Variants in TMTC2 observed in about 807,000 individuals in gnomAD.
TMTC2 encodes the protein transmembrane O-mannosyltransferase targeting cadherins 2.
In TMTC2, 43 loss-of-function variants were observed where a neutral mutation model predicts 82.4. The observed-to-expected ratio is 0.52, with a 90% CI of 0.41 to 0.67. The LOEUF is 0.67. TMTC2 is among the 30% of genes least tolerant of loss of function. The pLI is 0.00. For missense variants in TMTC2, 919 were observed against 1,012.4 expected (o/e 0.91, Z 1.25); for synonymous variants, 408 against 381.9 (o/e 1.07, Z -0.80).
At chr12:82,737,322 T>C (rs1007973659) in intron 1 of TMTC2, among the ~76,000 whole-genome samples, 2 of 152,182 alleles carry the variant, frequency 1.3e-5, no homozygotes, top group Admixed American at 1.3e-4. Context: ...CACTTTTTTT[T>C]TGTTTTTTAA....
At chr12:82,749,348 A>C (rs1166458680) in intron 1 of TMTC2, among the ~76,000 whole-genome samples, 1 of 151,968 alleles carries the variant, frequency 6.6e-6, no homozygotes, top group East Asian at 1.9e-4. Context: ...TTGTATTTAC[A>C]CTATGAGAAA....
intron 7 of TMTC2, among the ~76,000 whole-genome samples, chr12:82,974,217 C>T (rs376112311): frequency 6.6e-6 from 1 of 151,886 alleles, no homozygotes; most frequent in Non-Finnish European, 1.5e-5. Context: ...TACCCACGCC[C>T]GTGGACACAC....
chr12:82,953,991 A>T (rs1290629998), intron 4 of TMTC2, among the ~76,000 whole-genome samples: 2 of 152,308 alleles, frequency 1.3e-5, no homozygotes, highest in South Asian at 4.1e-4. Context: ...GCCTATAAAC[A>T]TTGTTATCTG....
intron 1 of TMTC2, among the ~76,000 whole-genome samples, chr12:82,789,093 A>C (rs563305359): frequency 1.3e-5 from 2 of 152,324 alleles, no homozygotes; most frequent in South Asian, 4.1e-4. Flanking sequence ...CTTTGAGGTA[A>C]TACTTTTTTG....
chr12:82,992,812 G>A (rs1041660945), intron 8 of TMTC2, among the ~76,000 whole-genome samples: 7 of 151,960 alleles, frequency 4.6e-5, no homozygotes, highest in African/African-American at 1.4e-4. Context: ...TTCAACTTTT[G>A]TATGTCACTT....
At chr12:82,940,727 C>T (rs1876671636) in intron 4 of TMTC2, among the ~76,000 whole-genome samples, 1 of 147,360 alleles carries the variant, frequency 6.8e-6, no homozygotes, top group African/African-American at 2.5e-5. Flanking sequence ...TCTATCCTAC[C>T]CCCACCTTTT....
At chr12:83,106,683 G>A (rs948046769) in intron 11 of TMTC2, among the ~76,000 whole-genome samples, 1 of 152,098 alleles carries the variant, frequency 6.6e-6, no homozygotes, top group Admixed American at 6.6e-5. Flanking sequence ...AAGACATGCA[G>A]GTCAAGCAAG....
At chr12:82,914,688 A>G (rs1264503594) in intron 3 of TMTC2, among the ~76,000 whole-genome samples, 1 of 152,146 alleles carries the variant, frequency 6.6e-6, no homozygotes, top group East Asian at 1.9e-4. Flanking sequence ...TTATGCTTTT[A>G]GTATATAATA....
intron 2 of TMTC2, among the ~76,000 whole-genome samples, chr12:82,878,369 A>T (rs1872680542): frequency 6.6e-6 from 1 of 152,220 alleles, no homozygotes; most frequent in Non-Finnish European, 1.5e-5. Context: ...TATCTTTCAT[A>T]TGTGATACAA....
intron 1 of TMTC2, among the ~76,000 whole-genome samples, chr12:82,829,143 G>A (rs1869610804): frequency 6.6e-6 from 1 of 152,108 alleles, no homozygotes; most frequent in Admixed American, 6.5e-5. Context: ...GGTTTTATCA[G>A]TCACCTTTAG....
chr12:82,767,524 T>A (rs1413238240), intron 1 of TMTC2, among the ~76,000 whole-genome samples: 1 of 152,140 alleles, frequency 6.6e-6, no homozygotes, highest in African/African-American at 2.4e-5. Context: ...AAGTCGAGGC[T>A]GCAGTGAGCT....
intron 11 of TMTC2, among the ~76,000 whole-genome samples, chr12:83,096,713 A>G (rs1331919150): frequency 1.3e-5 from 2 of 152,156 alleles, no homozygotes; most frequent in East Asian, 3.9e-4. Context: ...CCACAACACA[A>G]GGGAATTATG....
At chr12:82,698,995 T>C (rs1872945884) in intron 1 of TMTC2, among the ~76,000 whole-genome samples, 1 of 152,202 alleles carries the variant, frequency 6.6e-6, no homozygotes, top group Admixed American at 6.5e-5. Flanking sequence ...GAATTGTTTA[T>C]TCCTGGAATT....
rs567659533 is a variant in TMTC2 at position 82,846,349 on chromosome 12, CTCTG to C, written c.84-10657_84-10654del. 3.9e-4 allele frequency among the ~76,000 whole-genome samples: 59 copies of C among 152,048 alleles called. 1 individual carries two copies. Among genetic ancestry groups the C allele is most frequent in the South Asian group, 3.1e-3 (15 of 4,814 alleles). ...CTCCAGCCTGGGCAACAGAACGAGA[CTCTG>C]TCTTTTTTTTAAAAAAAACGAAAAA... is the stretch of plus-strand genomic sequence containing the variant. On this transcript the variant is annotated intron_variant, in intron 1 of 11. Coordinates refer to ENST00000321196, the MANE Select transcript of TMTC2 (RefSeq NM_152588.3).
intron 4 of TMTC2, among the ~76,000 whole-genome samples, chr12:82,958,357 A>T (rs1195818588): frequency 4.7e-5 from 1 of 21,062 alleles, no homozygotes; most frequent in Admixed American, 8.8e-4. Flanking sequence ...TCTGTCTCAA[A>T]AAAAAAAAAA....
chr12:82,939,074 T>C (rs1317928918), intron 4 of TMTC2, among the ~76,000 whole-genome samples: 2 of 152,194 alleles, frequency 1.3e-5, no homozygotes, highest in Non-Finnish European at 2.9e-5. Flanking sequence ...CATTAATGAA[T>C]GCTCAGTGGG....
intron 2 of TMTC2, among the ~76,000 whole-genome samples, chr12:82,867,398 G>A (rs867825739): frequency 3.3e-5 from 5 of 152,048 alleles, no homozygotes; most frequent in Admixed American, 1.3e-4. Flanking sequence ...GTATGTGGTT[G>A]TCAATTTTGC....
chr12:82,705,927 T>C (rs1873330446), intron 1 of TMTC2, among the ~76,000 whole-genome samples: 1 of 152,292 alleles, frequency 6.6e-6, no homozygotes, highest in East Asian at 1.9e-4. Flanking sequence ...GAGGGGCACC[T>C]GACCCAGACT....
At chr12:82,961,934 C>T (rs1356301826) in intron 4 of TMTC2, among the ~76,000 whole-genome samples, 1 of 152,026 alleles carries the variant, frequency 6.6e-6, no homozygotes, top group Non-Finnish European at 1.5e-5. Context: ...TCACAATAGT[C>T]ATCTATCTTA....
Sources: allele counts gnomAD v4.1 joint callset (sites outside exome capture counted in the v4.1 genomes callset), GRCh38; gene constraint gnomAD v4.1.1; transcripts MANE v1.5; gene names NCBI Gene and HGNC (gene_info 2026-07-23, HGNC 2026-07-21).